Variants in MDGA2 observed in about 807,000 individuals in gnomAD.
MDGA2 encodes the protein MAM domain containing glycosylphosphatidylinositol anchor 2, also known as MAM domain-containing glycosylphosphatidylinositol anchor protein 2.
Under a neutral mutation model 117.8 loss-of-function variants are expected in MDGA2, and 40 were observed. The ratio of observed to expected loss-of-function variants is 0.34; its 90% CI spans 0.26 to 0.44. The LOEUF (loss-of-function observed/expected upper bound fraction) is 0.44, where lower values mean the gene tolerates loss of function less well. Among genes scored for constraint, MDGA2 ranks in the 20% least tolerant of loss-of-function variants. The pLI is 1.00. For synonymous variants in MDGA2, 452 were observed against 439.0 expected (o/e 1.03, Z -0.37); for missense variants, 1,123 against 1,250.6 (o/e 0.90, Z 1.54).
chr14:46,937,292 G>C (rs1025645663), intron 9 of MDGA2, among the ~76,000 whole-genome samples: 5 of 83,062 alleles, frequency 6.0e-5, no homozygotes, highest in African/African-American at 1.6e-4. Flanking sequence ...ATAAAATACT[G>C]GTTAAAAAAA....
In MDGA2 at chr14:47,331,707, C is replaced by T. The variant is rs561405183; in HGVS notation, c.281-30157G>A. On this transcript the variant is annotated intron_variant, in intron 1 of 16. Transcript: ENST00000399232. ...CTATCAGGACTAAGGGAAAGAGAAGCTTATTAGATTATATAATAGGATTAA... is the reference window on the plus strand; with the variant it reads ...CTATCAGGACTAAGGGAAAGAGAAGTTTATTAGATTATATAATAGGATTAA... Among the ~76,000 whole-genome samples, 5 of 151,988 alleles carry T rather than the reference C, an allele frequency of 3.3e-5. 1 individual carries two copies. In the South Asian group the frequency reaches 1.0e-3, roughly 31 times the overall value.
intron 9 of MDGA2, among the ~76,000 whole-genome samples, chr14:46,938,002 G>T (rs1884844294): frequency 1.3e-5 from 2 of 152,096 alleles, no homozygotes; most frequent in African/African-American, 4.8e-5. Context: ...GCAATCAAGA[G>T]ACTGAAAAGA....
intron 2 of MDGA2, among the ~76,000 whole-genome samples, chr14:47,250,384 T>C (rs528535179): frequency 1.3e-5 from 2 of 152,350 alleles, no homozygotes; most frequent in East Asian, 3.9e-4. Flanking sequence ...TACTTACTTA[T>C]TTATAATTTA....
intron 8 of MDGA2, among the ~76,000 whole-genome samples, chr14:46,985,408 T>C (rs1331335261): frequency 6.6e-6 from 1 of 152,068 alleles, no homozygotes; most frequent in Non-Finnish European, 1.5e-5. Flanking sequence ...CCGAACCTAG[T>C]GGATTACACA....
At position 47,648,693 on chromosome 14, in the gene MDGA2, C is replaced by G. The variant is rs566215339; in HGVS notation, c.280+25824G>C. Reference sequence around the variant, plus strand: ...GGAAGTAAAAGCCTTTCATAGGTAGCATAAGACTGGATAAATAAAATCACC... The same window carrying G: ...GGAAGTAAAAGCCTTTCATAGGTAGGATAAGACTGGATAAATAAAATCACC... On this transcript the variant is annotated intron_variant, in intron 1 of 16. Coordinates refer to ENST00000399232, the MANE Select transcript of MDGA2 (RefSeq NM_001113498.3). Among the ~76,000 whole-genome samples, 4 of 148,452 alleles carry G rather than the reference C, an allele frequency of 2.7e-5. No homozygotes were observed. In the East Asian group the frequency reaches 1.2e-3, roughly 44 times the overall value.
intron 1 of MDGA2, among the ~76,000 whole-genome samples, chr14:47,619,469 C>A (rs1044128517): frequency 1.3e-5 from 2 of 152,100 alleles, no homozygotes; most frequent in African/African-American, 4.8e-5. Context: ...AGTCTTCATA[C>A]ATCAAGTGAA....
intron 1 of MDGA2, among the ~76,000 whole-genome samples, chr14:47,325,615 G>A (rs1017439654): frequency 2.6e-5 from 4 of 152,134 alleles, no homozygotes; most frequent in African/African-American, 9.7e-5. Context: ...TCAGAAGAAG[G>A]AATCAAAAAT....
chr14:47,619,839 T>C (rs116500126), intron 1 of MDGA2, among the ~76,000 whole-genome samples: 228 of 152,356 alleles, frequency 1.5e-3, no homozygotes, highest in African/African-American at 4.5e-3. Flanking sequence ...CTAAATGCGA[T>C]TGAAATTTAA....
chr14:46,959,270 T>C (rs1885692771), intron 8 of MDGA2, among the ~76,000 whole-genome samples: 1 of 138,738 alleles, frequency 7.2e-6, no homozygotes, highest in Admixed American at 7.4e-5. Context: ...TGTGTGTGTG[T>C]GTGTGTGTGT....
intron 1 of MDGA2, among the ~76,000 whole-genome samples, chr14:47,639,923 C>A (rs922767905): frequency 3.9e-5 from 6 of 152,174 alleles, no homozygotes; most frequent in Non-Finnish European, 8.8e-5. Flanking sequence ...GGGGCCTTAA[C>A]CTGCTCATTA....
At chr14:47,369,047 T>C (rs1263477181) in intron 1 of MDGA2, among the ~76,000 whole-genome samples, 1 of 152,286 alleles carries the variant, frequency 6.6e-6, no homozygotes, top group East Asian at 1.9e-4. Context: ...AATTAATGAA[T>C]AATAACATTA....
chr14:47,056,007 C>G (rs532762617), intron 7 of MDGA2, among the ~76,000 whole-genome samples: 1 of 152,124 alleles, frequency 6.6e-6, no homozygotes, highest in African/African-American at 2.4e-5. Flanking sequence ...AATTACATAA[C>G]TTTTGATTGC....
chr14:46,918,700 T>C (rs947487182), intron 10 of MDGA2, among the ~76,000 whole-genome samples: 3 of 150,996 alleles, frequency 2.0e-5, no homozygotes, highest in African/African-American at 7.3e-5. Context: ...TAGGAAAAGC[T>C]CTTTCACTTT....
intron 8 of MDGA2, among the ~76,000 whole-genome samples, chr14:47,032,323 G>A (rs1354336139): frequency 6.6e-6 from 1 of 151,930 alleles, no homozygotes; most frequent in African/African-American, 2.4e-5. Flanking sequence ...ATGGTGGCTC[G>A]TACCTGTAGT....
chr14:47,109,056 C>T (rs989819123), intron 5 of MDGA2, among the ~76,000 whole-genome samples: 4 of 152,262 alleles, frequency 2.6e-5, no homozygotes, highest in East Asian at 3.9e-4. Flanking sequence ...TTCAAGTTTA[C>T]AGGAAGCTGA....
At chr14:46,940,071 G>T (rs879656325) in intron 9 of MDGA2, among the ~76,000 whole-genome samples, 2 of 152,200 alleles carry the variant, frequency 1.3e-5, no homozygotes, top group Non-Finnish European at 1.5e-5. Context: ...TAGGATGGAG[G>T]ACTTATTGCA....
intron 1 of MDGA2, among the ~76,000 whole-genome samples, chr14:47,559,813 T>A (rs927057128): frequency 6.6e-6 from 1 of 152,130 alleles, no homozygotes; most frequent in African/African-American, 2.4e-5. Context: ...CCTCAGGTGA[T>A]CCACCCGCCT....
At chr14:47,115,583 G>T (rs908881970) in intron 5 of MDGA2, among the ~76,000 whole-genome samples, 2 of 151,776 alleles carry the variant, frequency 1.3e-5, no homozygotes, top group African/African-American at 4.8e-5. Flanking sequence ...AAAGGAGAAA[G>T]AAAAAGATTC....
chr14:46,957,064 A>T (rs1182963143), intron 9 of MDGA2, among the ~76,000 whole-genome samples: 1 of 152,148 alleles, frequency 6.6e-6, no homozygotes, highest in Non-Finnish European at 1.5e-5. Context: ...TCTTTTCTTC[A>T]TAAATTACCC....
Sources: allele counts gnomAD v4.1 joint callset (sites outside exome capture counted in the v4.1 genomes callset), GRCh38; gene constraint gnomAD v4.1.1; transcripts MANE v1.5; gene names NCBI Gene and HGNC (gene_info 2026-07-23, HGNC 2026-07-21).